The following SSBP2 variants were observed in gnomAD, a reference collection of about 807,000 sequenced individuals.
The protein encoded by SSBP2 is single-stranded DNA-binding protein 2.
Under a neutral mutation model 61.8 loss-of-function variants are expected in SSBP2, and 17 were observed. The observed-to-expected ratio is 0.28, with a 90% CI of 0.19 to 0.41. The LOEUF (loss-of-function observed/expected upper bound fraction) is 0.41, where lower values mean the gene tolerates loss of function less well. Among genes scored for constraint, SSBP2 ranks in the 10% least tolerant of loss-of-function variants. The probability of loss-of-function intolerance (pLI) is 1.00; values close to 1 mark genes in which losing one functional copy is unlikely to be tolerated. For synonymous variants in SSBP2, 139 were observed against 141.3 expected (o/e 0.98, Z 0.12); for missense variants, 310 against 458.7 (o/e 0.68, Z 2.96).
chr5:81,494,389 G>A (rs1275588534), intron 5 of SSBP2, among the ~76,000 whole-genome samples: 1 of 152,096 alleles, frequency 6.6e-6, no homozygotes, highest in East Asian at 1.9e-4. Flanking sequence ...TGTATGCTAC[G>A]GACTGAATGT....
rs570751133 is a variant in SSBP2, at chr5:81,616,937, C to A, written c.198-1380G>T. ...TAACAACCAGAAAGGACATCTACACCGAAAACCCATCTGTACATCACCATC... is the reference window on the plus strand; with the variant it reads ...TAACAACCAGAAAGGACATCTACACAGAAAACCCATCTGTACATCACCATC... On this transcript the variant is annotated intron_variant, in intron 3 of 16. Coordinates refer to ENST00000320672, the MANE Select transcript of SSBP2 (RefSeq NM_012446.5). 2.7e-5 allele frequency among the ~76,000 whole-genome samples: 4 copies of A among 147,866 alleles called. No homozygotes were observed. The East Asian group carries it at 8.2e-4, about 30-fold the overall frequency.
At chr5:81,446,817 T>C (rs1763430934) in intron 12 of SSBP2, 51 bp downstream of exon 12, 3 of 1,537,982 alleles carry the variant, frequency 2.0e-6, no homozygotes, top group Non-Finnish European at 2.7e-6. Flanking sequence ...CTATATTCTG[T>C]GATTTTATTC....
At chr5:81,677,025 C>T (rs531010708) in intron 1 of SSBP2, among the ~76,000 whole-genome samples, 48 of 152,110 alleles carry the variant, frequency 3.2e-4, no homozygotes, top group Non-Finnish European at 6.8e-4. Flanking sequence ...GTAATTAATA[C>T]GCAGGGTAAA....
At chr5:81,557,673 A>C (rs1417379326) in intron 4 of SSBP2, among the ~76,000 whole-genome samples, 1 of 152,044 alleles carries the variant, frequency 6.6e-6, no homozygotes, top group African/African-American at 2.4e-5. Flanking sequence ...TCCATCTCTA[A>C]ATGTTGGATT....
chr5:81,707,735 G>A (rs1048615169), intron 1 of SSBP2, among the ~76,000 whole-genome samples: 67 of 152,244 alleles, frequency 4.4e-4, no homozygotes, highest in African/African-American at 1.6e-3. Flanking sequence ...TAGAAATTCA[G>A]GAGTCCTAGA....
At chr5:81,472,812 G>A (rs1456860282) in intron 8 of SSBP2, among the ~76,000 whole-genome samples, 1 of 152,074 alleles carries the variant, frequency 6.6e-6, no homozygotes, top group East Asian at 1.9e-4. Context: ...GGTTGGCCAG[G>A]CTGGTCTCAA....
chr5:81,665,734 A>AC (rs776720923), intron 1 of SSBP2, among the ~76,000 whole-genome samples: 1 of 152,156 alleles, frequency 6.6e-6, no homozygotes, highest in Non-Finnish European at 1.5e-5. Context: ...TGAACTCCTG[A>AC]CCTCAGGTGA....
At chr5:81,627,070 T>C (rs958316551) in intron 3 of SSBP2, among the ~76,000 whole-genome samples, 1 of 152,218 alleles carries the variant, frequency 6.6e-6, no homozygotes, top group African/African-American at 2.4e-5. Context: ...GTACTAAAAA[T>C]ATTATAGAAA....
At chr5:81,497,359 T>C (rs1241309936) in intron 5 of SSBP2, among the ~76,000 whole-genome samples, 1 of 152,114 alleles carries the variant, frequency 6.6e-6, no homozygotes, top group Non-Finnish European at 1.5e-5. Context: ...ATGAAGCAAA[T>C]GTTCAGTAAA....
intron 1 of SSBP2, among the ~76,000 whole-genome samples, chr5:81,687,772 T>C (rs1752926060): frequency 6.6e-6 from 1 of 152,156 alleles, no homozygotes; most frequent in Non-Finnish European, 1.5e-5. Context: ...CCCACTGTCT[T>C]GAAGGGAAGA....
In SSBP2 at chr5:81,698,625, A is replaced by C. The variant is rs186764470; in HGVS notation, c.63-48286T>G. 1.0e-3 allele frequency among the ~76,000 whole-genome samples: 158 copies of C among 152,290 alleles called. 1 individual carries two copies. Among genetic ancestry groups the C allele is most frequent in the Admixed American group, 8.2e-3 (126 of 15,290 alleles). On this transcript the variant is annotated intron_variant, in intron 1 of 16. Transcript: ENST00000320672. ...TCAGGAGTTCGAGACCAGCCTGGCCAACAAGGTAAAACCCTGTCTCTACTA... is the reference window on the plus strand; with the variant it reads ...TCAGGAGTTCGAGACCAGCCTGGCCCACAAGGTAAAACCCTGTCTCTACTA...
chr5:81,699,263 A>G (rs1753799059), intron 1 of SSBP2, among the ~76,000 whole-genome samples: 2 of 152,214 alleles, frequency 1.3e-5, no homozygotes, highest in Non-Finnish European at 1.5e-5. Context: ...GCTGTGGCAA[A>G]TAAGACAATG....
chr5:81,582,903 C>T (rs985898051), intron 4 of SSBP2, among the ~76,000 whole-genome samples: 1 of 151,946 alleles, frequency 6.6e-6, no homozygotes, highest in Non-Finnish European at 1.5e-5. Context: ...TTACTGTCTT[C>T]TTTTAACATA....
At chr5:81,689,155 A>G (rs186857196) in intron 1 of SSBP2, among the ~76,000 whole-genome samples, 9 of 152,148 alleles carry the variant, frequency 5.9e-5, no homozygotes, top group Admixed American at 5.9e-4. Context: ...GAGCTTGAAG[A>G]CAAGCTATTT....
chr5:81,688,629 A>C (rs1368632964), intron 1 of SSBP2, among the ~76,000 whole-genome samples: 1 of 152,232 alleles, frequency 6.6e-6, no homozygotes, highest in Admixed American at 6.5e-5. Context: ...CAGGTAATCC[A>C]GGGAAAGCTT....
intron 6 of SSBP2, among the ~76,000 whole-genome samples, chr5:81,483,788 T>C (rs1766179106): frequency 6.6e-6 from 1 of 151,480 alleles, no homozygotes; most frequent in African/African-American, 2.4e-5. Flanking sequence ...CACACACATT[T>C]ATACTTTTCT....
chr5:81,699,240 G>A (rs1272148464), intron 1 of SSBP2, among the ~76,000 whole-genome samples: 1 of 152,224 alleles, frequency 6.6e-6, no homozygotes, highest in African/African-American at 2.4e-5. Context: ...GGCAGTTGCT[G>A]AAGGCAGTGG....
At chr5:81,731,710 A>T (rs1756277003) in intron 1 of SSBP2, among the ~76,000 whole-genome samples, 1 of 152,110 alleles carries the variant, frequency 6.6e-6, no homozygotes, top group Non-Finnish European at 1.5e-5. Context: ...TAACTTGTAG[A>T]TAACTTGGGA....
intron 1 of SSBP2, among the ~76,000 whole-genome samples, chr5:81,675,451 G>A (rs980218427): frequency 6.6e-6 from 1 of 152,012 alleles, no homozygotes; most frequent in Admixed American, 6.6e-5. Flanking sequence ...CCTCCATCTT[G>A]GGCTACAAGA....
Sources: allele counts gnomAD v4.1 joint callset (sites outside exome capture counted in the v4.1 genomes callset), GRCh38; gene constraint gnomAD v4.1.1; transcripts MANE v1.5; gene names NCBI Gene and HGNC (gene_info 2026-07-23, HGNC 2026-07-21).